Variants in UBE2E2 observed in about 807,000 individuals in gnomAD.
UBE2E2 encodes the protein ubiquitin-conjugating enzyme E2 E2.
A neutral mutation model predicts 24.7 loss-of-function variants in UBE2E2; 6 were observed. The observed-to-expected ratio is 0.24, with a 90% CI of 0.13 to 0.48. The LOEUF is 0.48. Ranked by LOEUF, UBE2E2 falls within the 20% of genes least tolerant of loss-of-function variation. UBE2E2 has a pLI of 0.99. For missense variants in UBE2E2, 169 were observed against 245.0 expected (o/e 0.69, Z 2.07); for synonymous variants, 104 against 83.6 (o/e 1.24, Z -1.33).
intron 3 of UBE2E2, among the ~76,000 whole-genome samples, chr3:23,250,658 G>C (rs866840439): frequency 6.6e-6 from 1 of 152,186 alleles, no homozygotes; most frequent in Non-Finnish European, 1.5e-5. Flanking sequence ...AATTATTCAA[G>C]AATTTAGTTT....
intron 3 of UBE2E2, among the ~76,000 whole-genome samples, chr3:23,470,295 G>T (rs1699007425): frequency 6.6e-6 from 1 of 152,138 alleles, no homozygotes; most frequent in African/African-American, 2.4e-5. Context: ...GAAGTGAAAA[G>T]TTCTCTGCTC....
intron 3 of UBE2E2, among the ~76,000 whole-genome samples, chr3:23,241,327 C>T (rs1338143673): frequency 6.6e-6 from 1 of 152,160 alleles, no homozygotes; most frequent in African/African-American, 2.4e-5. Context: ...AACAGGTCTC[C>T]CTTCTTCCAT....
intron 5 of UBE2E2, among the ~76,000 whole-genome samples, chr3:23,568,359 T>C (rs1285203028): frequency 6.6e-6 from 1 of 152,054 alleles, no homozygotes; most frequent in African/African-American, 2.4e-5. Context: ...GTGGACTACA[T>C]GTGAGGATTA....
chr3:23,222,820 A>G (rs1349925524), intron 3 of UBE2E2, among the ~76,000 whole-genome samples: 3 of 147,810 alleles, frequency 2.0e-5, no homozygotes, highest in Non-Finnish European at 3.0e-5. Flanking sequence ...GGCTGTACTA[A>G]TTTACATCCC....
intron 3 of UBE2E2, among the ~76,000 whole-genome samples, chr3:23,498,896 C>T (rs1008048341): frequency 6.6e-6 from 1 of 152,152 alleles, no homozygotes; most frequent in Non-Finnish European, 1.5e-5. Context: ...CTCTGAAACT[C>T]AGAGACATGT....
At chr3:23,520,596 T>C (rs1443482204) in intron 4 of UBE2E2, among the ~76,000 whole-genome samples, 1 of 152,240 alleles carries the variant, frequency 6.6e-6, no homozygotes, top group Non-Finnish European at 1.5e-5. Context: ...GCCAACTCTA[T>C]AATAGCTGTA....
At chr3:23,245,141 T>G (rs1251692190) in intron 3 of UBE2E2, among the ~76,000 whole-genome samples, 1 of 151,996 alleles carries the variant, frequency 6.6e-6, no homozygotes, top group Non-Finnish European at 1.5e-5. Flanking sequence ...AAAGATGAGA[T>G]AGTGGAAAGA....
intron 3 of UBE2E2, among the ~76,000 whole-genome samples, chr3:23,488,711 G>C (rs1699433122): frequency 6.6e-6 from 1 of 152,172 alleles, no homozygotes. Flanking sequence ...TTACCCTCTT[G>C]TCAGAAGCTT....
chr3:23,206,423 A>T (rs1040359277), intron 1 of UBE2E2, among the ~76,000 whole-genome samples: 1 of 152,222 alleles, frequency 6.6e-6, no homozygotes, highest in Non-Finnish European at 1.5e-5. Flanking sequence ...TCAGTGTTCT[A>T]TTAAGTGACT....
intron 3 of UBE2E2, among the ~76,000 whole-genome samples, chr3:23,297,525 T>A (rs1031245909): frequency 6.6e-6 from 1 of 152,262 alleles, no homozygotes; most frequent in African/African-American, 2.4e-5. Flanking sequence ...GCTTTCTACC[T>A]ATGGGTAGCC....
chr3:23,467,187 C>T (rs779491897), intron 3 of UBE2E2, among the ~76,000 whole-genome samples: 6 of 152,168 alleles, frequency 3.9e-5, no homozygotes, highest in Non-Finnish European at 2.9e-5. Flanking sequence ...AGGTAATATA[C>T]AGTACTACCT....
Position 23,268,531 on chromosome 3 carries a change from C to G in UBE2E2, c.227+51219C>G, listed in dbSNP as rs1016001342. On this transcript the variant is annotated intron_variant, in intron 3 of 5. Coordinates refer to ENST00000396703, the MANE Select transcript of UBE2E2 (RefSeq NM_152653.4). Reference sequence around the variant, plus strand: ...GACCTCTTCAAGGAGAACCACAAACCACTGCTCAATGAAATAAAAGAGGAT... The same window carrying G: ...GACCTCTTCAAGGAGAACCACAAACGACTGCTCAATGAAATAAAAGAGGAT... Among the ~76,000 whole-genome samples the G allele has an allele frequency of 4.2e-3, 613 of 146,980 alleles. 4 individuals are homozygous for G. Among genetic ancestry groups the G allele is most frequent in the Non-Finnish European group, 5.3e-3 (355 of 66,536 alleles).
At chr3:23,341,262 T>C (rs1018276051) in intron 3 of UBE2E2, among the ~76,000 whole-genome samples, 2 of 152,156 alleles carry the variant, frequency 1.3e-5, no homozygotes, top group African/African-American at 2.4e-5. Context: ...TGATGAACTT[T>C]TATAGAGCAC....
chr3:23,463,124 GA>G (rs1698845423), intron 3 of UBE2E2, among the ~76,000 whole-genome samples: 2 of 152,118 alleles, frequency 1.3e-5, no homozygotes, highest in South Asian at 4.2e-4. Flanking sequence ...TTGCATTAAT[GA>G]AAAACTTGCC....
At chr3:23,447,505 C>T (rs964282526) in intron 3 of UBE2E2, among the ~76,000 whole-genome samples, 6 of 152,108 alleles carry the variant, frequency 3.9e-5, no homozygotes, top group African/African-American at 1.4e-4. Context: ...ATTCCAGGGG[C>T]AGTTGTGGAG....
intron 3 of UBE2E2, among the ~76,000 whole-genome samples, chr3:23,266,661 G>C (rs4334589): frequency 0.81 from 123,432 of 151,952 alleles, 50,330 homozygotes; most frequent in African/African-American, 0.89. Flanking sequence ...AGAAAGTTAA[G>C]AAGGATACCC....
chr3:23,308,134 C>T (rs1040025192), intron 3 of UBE2E2, among the ~76,000 whole-genome samples: 1 of 152,152 alleles, frequency 6.6e-6, no homozygotes, highest in Non-Finnish European at 1.5e-5. Flanking sequence ...TAGATCTTAG[C>T]TCCATTACCT....
intron 5 of UBE2E2, among the ~76,000 whole-genome samples, chr3:23,538,220 C>A (rs868407320): frequency 6.6e-6 from 1 of 152,120 alleles, no homozygotes; most frequent in Middle Eastern, 3.4e-3. Flanking sequence ...AGTAGAAATA[C>A]GTGGCACAAC....
intron 4 of UBE2E2, among the ~76,000 whole-genome samples, chr3:23,510,045 TTTC>T (rs935964004): frequency 2.0e-5 from 3 of 152,144 alleles, no homozygotes; most frequent in Non-Finnish European, 4.4e-5. Flanking sequence ...CATACGATTT[TTTC>T]TTTTCATTAG....
Sources: gnomAD v4.1 joint callset for allele counts (sites outside exome capture counted in the v4.1 genomes callset) on GRCh38, gnomAD v4.1.1 for gene constraint, MANE v1.5 for transcripts, NCBI Gene and HGNC (gene_info 2026-07-23, HGNC 2026-07-21) for gene names.